Variants in GABRB2 observed in about 807,000 individuals in gnomAD.
GABRB2 encodes the protein gamma-aminobutyric acid type A receptor subunit beta2.
GABRB2 carries 16 observed loss-of-function variants against 54.7 expected under a neutral mutation model. The observed-to-expected ratio is 0.29, with a 90% CI of 0.20 to 0.44. The LOEUF (loss-of-function observed/expected upper bound fraction) is 0.44, where lower values mean the gene tolerates loss of function less well. GABRB2 is among the 20% of genes least tolerant of loss of function. The pLI is 1.00. For synonymous variants in GABRB2, 244 were observed against 233.8 expected (o/e 1.04, Z -0.40); for missense variants, 355 against 644.0 (o/e 0.55, Z 4.86).
At chr5:161,445,865 C>A (rs1237108635) in intron 4 of GABRB2, among the ~76,000 whole-genome samples, 1 of 152,064 alleles carries the variant, frequency 6.6e-6, no homozygotes. Flanking sequence ...GTCTTGACCA[C>A]CTTGGGCACA....
intron 3 of GABRB2, among the ~76,000 whole-genome samples, chr5:161,527,052 C>T (rs1243136280): frequency 6.6e-6 from 1 of 151,180 alleles, no homozygotes; most frequent in African/African-American, 2.4e-5. Context: ...TCATAATGGC[C>T]AAGTATAATT....
chr5:161,332,173 A>C (rs1753870378), intron 7 of GABRB2, among the ~76,000 whole-genome samples: 7 of 151,656 alleles, frequency 4.6e-5, no homozygotes, highest in Admixed American at 4.6e-4. Flanking sequence ...CTCAAAAAAA[A>C]AAAAAAAAAA....
At chr5:161,493,574 A>G (rs1759139976) in intron 3 of GABRB2, among the ~76,000 whole-genome samples, 2 of 151,854 alleles carry the variant, frequency 1.3e-5, no homozygotes, top group Non-Finnish European at 3.0e-5. Context: ...TGAAATTTTG[A>G]TGAAAATTCC....
At chr5:161,466,770 G>A (rs1472846151) in intron 3 of GABRB2, among the ~76,000 whole-genome samples, 4 of 151,910 alleles carry the variant, frequency 2.6e-5, no homozygotes, top group Non-Finnish European at 5.9e-5. Flanking sequence ...ATGAGCTTCG[G>A]CCCTCCCCTT....
chr5:161,405,714 A>G (rs1387947978), intron 5 of GABRB2, among the ~76,000 whole-genome samples: 1 of 152,110 alleles, frequency 6.6e-6, no homozygotes, highest in African/African-American at 2.4e-5. Context: ...GTTATTAAAA[A>G]TACTGCATTT....
chr5:161,319,162 C>T (rs1239876915), intron 9 of GABRB2, among the ~76,000 whole-genome samples: 1 of 148,514 alleles, frequency 6.7e-6, no homozygotes, highest in Non-Finnish European at 1.5e-5. Flanking sequence ...GTGGTGATGG[C>T]GGGCATCCAT....
chr5:161,294,407 A>G lies in GABRB2; in HGVS notation c.1213T>C (p.Leu405=), dbSNP rs142424271. ...LYTMDPHENI[L]LSTLEIKNEM... is the part of the protein sequence containing the mutation. ...TTTTTTATCTCGAGAGTGCTCAGTA[A>G]GATGTTCTCATGGGGGTCCATCTGC... The change falls in exon 10 of 10, where the codon TTA becomes CTA. Residue 405 remains leucine (L), a synonymous_variant. Transcript: ENST00000393959. The G allele has an allele frequency of 3.7e-5, 59 of 1,613,304 alleles. No homozygotes were observed. In the African/African-American group the frequency reaches 6.9e-4, roughly 19 times the overall value.
chr5:161,543,771 T>C (rs1172092550), intron 3 of GABRB2, among the ~76,000 whole-genome samples: 1 of 152,214 alleles, frequency 6.6e-6, no homozygotes, highest in Admixed American at 6.5e-5. Flanking sequence ...AATATTTGTA[T>C]ATCTGAGAAA....
At chr5:161,486,168 G>T (rs1758916400) in intron 3 of GABRB2, among the ~76,000 whole-genome samples, 2 of 151,864 alleles carry the variant, frequency 1.3e-5, no homozygotes, top group Admixed American at 6.6e-5. Flanking sequence ...AGACAGATGG[G>T]TCTACACTGA....
chr5:161,335,856 T>A (rs1317003195), intron 6 of GABRB2, among the ~76,000 whole-genome samples: 1 of 152,184 alleles, frequency 6.6e-6, no homozygotes, highest in East Asian at 1.9e-4. Context: ...AAGTGGTTTG[T>A]AGGCACAAAA....
chr5:161,455,627 T>C (rs1757931860), intron 4 of GABRB2, among the ~76,000 whole-genome samples: 1 of 151,018 alleles, frequency 6.6e-6, no homozygotes, highest in African/African-American at 2.4e-5. Context: ...CCTCCTGGGC[T>C]CAAGCCATCC....
At chr5:161,299,352 C>A (rs978937749) in intron 9 of GABRB2, among the ~76,000 whole-genome samples, 1 of 152,146 alleles carries the variant, frequency 6.6e-6, no homozygotes, top group African/African-American at 2.4e-5. Context: ...CTTTTCTGAG[C>A]CAATGGCATG....
intron 3 of GABRB2, among the ~76,000 whole-genome samples, chr5:161,536,544 A>G (rs1030827010): frequency 6.6e-6 from 1 of 152,134 alleles, no homozygotes; most frequent in African/African-American, 2.4e-5. Flanking sequence ...GCAAGCCTTT[A>G]GTTTCCAGTC....
chr5:161,462,561 C>A (rs181325008), intron 3 of GABRB2, among the ~76,000 whole-genome samples: 1 of 152,034 alleles, frequency 6.6e-6, no homozygotes, highest in South Asian at 2.1e-4. Flanking sequence ...GAAATAATAC[C>A]GTTTGGAAGG....
At chr5:161,415,961 C>G (rs1337001913) in intron 4 of GABRB2, among the ~76,000 whole-genome samples, 5 of 62,906 alleles carry the variant, frequency 7.9e-5, no homozygotes, top group South Asian at 1.1e-3. Context: ...TGTTTTGAGA[C>G]TGGGTCTCAC....
intron 3 of GABRB2, among the ~76,000 whole-genome samples, chr5:161,510,587 T>C (rs1032029708): frequency 2.0e-5 from 3 of 151,990 alleles, no homozygotes; most frequent in African/African-American, 4.8e-5. Flanking sequence ...ATTTTAATTA[T>C]TGAAGCCTAG....
chr5:161,340,951 T>A (rs1297529430), intron 5 of GABRB2, among the ~76,000 whole-genome samples: 4 of 152,038 alleles, frequency 2.6e-5, no homozygotes, highest in Non-Finnish European at 5.9e-5. Context: ...AACACCACAC[T>A]GTATTTACTT....
chr5:161,297,890 C>T (rs1184454990), intron 9 of GABRB2, among the ~76,000 whole-genome samples: 3 of 152,160 alleles, frequency 2.0e-5, no homozygotes. Flanking sequence ...CTAATTTACA[C>T]TCCCACTAAC....
intron 3 of GABRB2, among the ~76,000 whole-genome samples, chr5:161,494,212 T>A (rs1404180354): frequency 6.6e-6 from 1 of 151,786 alleles, no homozygotes; most frequent in Non-Finnish European, 1.5e-5. Context: ...TGGATAAACA[T>A]TCCTTTCTTT....
Sources: allele counts gnomAD v4.1 joint callset (sites outside exome capture counted in the v4.1 genomes callset), GRCh38; gene constraint gnomAD v4.1.1; transcripts MANE v1.5; gene names NCBI Gene and HGNC (gene_info 2026-07-23, HGNC 2026-07-21).